The following SETD3 variants were observed in gnomAD, a reference collection of about 807,000 sequenced individuals.
SETD3 encodes the protein SET domain containing 3, actin N3(tau)-histidine methyltransferase, also known as actin-histidine N-methyltransferase.
A neutral mutation model predicts 63.0 loss-of-function variants in SETD3; 19 were observed. That is an observed-to-expected ratio of 0.30 (90% CI 0.21 to 0.44). The LOEUF (loss-of-function observed/expected upper bound fraction) is 0.44. SETD3 is among the 20% of genes least tolerant of loss of function. The pLI is 1.00. For missense variants in SETD3, 587 were observed against 728.5 expected (o/e 0.81, Z 2.24); for synonymous variants, 286 against 264.1 (o/e 1.08, Z -0.80).
At chr14:99,420,051 A>G (rs180767866) in intron 6 of SETD3, among the ~76,000 whole-genome samples, 8 of 152,236 alleles carry the variant, frequency 5.3e-5, no homozygotes, top group Non-Finnish European at 8.8e-5. Context: ...GTGAAGACAG[A>G]TAAGTGACCA....
At chr14:99,414,681 C>T (rs955577895) in intron 6 of SETD3, among the ~76,000 whole-genome samples, 2 of 152,222 alleles carry the variant, frequency 1.3e-5, no homozygotes, top group Admixed American at 6.5e-5. Flanking sequence ...CTCTTCACCA[C>T]GTCCTCCACT....
chr14:99,411,173 A>G (rs1281545372), intron 8 of SETD3: 2 of 152,230 alleles, frequency 1.3e-5, no homozygotes, highest in African/African-American at 4.8e-5. Flanking sequence ...ACTGTAAGAC[A>G]AAGTACCAGC....
At chr14:99,451,312 CCT>C (rs1282780857) in intron 6 of SETD3, among the ~76,000 whole-genome samples, 3 of 152,042 alleles carry the variant, frequency 2.0e-5, no homozygotes, top group Non-Finnish European at 4.4e-5. Context: ...CACCATGAGC[CCT>C]CTCTTCTTCC....
chr14:99,413,917 G>A lies in SETD3; in HGVS notation c.693C>T (p.Asn231=). 6.2e-7 allele frequency: 1 copy of A among 1,614,118 alleles called. No homozygotes were observed. Among genetic ancestry groups the A allele is most frequent in the Non-Finnish European group, 8.5e-7 (1 of 1,179,958 alleles). ...YKVIQTHPHA[N]KLPLKDSFTY... is the part of the protein sequence containing the mutation. The stretch of plus-strand genomic sequence containing the variant: ...TGAAAGAATCCTTCAAGGGTAGTTT[G>A]TTGGCATGAGGATGGGTCTGGGAAT... Residue 231 remains asparagine, a synonymous_variant, in exon 7 of 13, where the codon AAC becomes AAT. Transcript: ENST00000331768.
chr14:99,426,215 C>T (rs995955316), intron 6 of SETD3, among the ~76,000 whole-genome samples: 1 of 152,210 alleles, frequency 6.6e-6, no homozygotes, highest in Non-Finnish European at 1.5e-5. Context: ...AAATGTCTAA[C>T]CCATGCAGTC....
At chr14:99,400,700 C>T (rs903455669) in intron 11 of SETD3, among the ~76,000 whole-genome samples, 2 of 152,136 alleles carry the variant, frequency 1.3e-5, no homozygotes, top group African/African-American at 2.4e-5. Context: ...ACAACAATCC[C>T]GCAAGCCCAT....
chr14:99,459,588 G>A (rs966839505), intron 4 of SETD3, among the ~76,000 whole-genome samples: 1 of 152,154 alleles, frequency 6.6e-6, no homozygotes, highest in Non-Finnish European at 1.5e-5. Flanking sequence ...CTAATCTGTC[G>A]ATGTGAATTA....
At chr14:99,415,277 T>C (rs988944212) in intron 6 of SETD3, among the ~76,000 whole-genome samples, 26 of 152,218 alleles carry the variant, frequency 1.7e-4, no homozygotes, top group Admixed American at 1.5e-3. Context: ...TGTAGAAAGT[T>C]AGTAAGTTCC....
chr14:99,451,895 A>T (rs1233504466), intron 6 of SETD3, among the ~76,000 whole-genome samples: 1 of 152,098 alleles, frequency 6.6e-6, no homozygotes, highest in Non-Finnish European at 1.5e-5. Flanking sequence ...TGAACACCTG[A>T]AGGATATATA....
At chr14:99,472,983 T>C (rs1255884545) in intron 1 of SETD3, among the ~76,000 whole-genome samples, 2 of 152,224 alleles carry the variant, frequency 1.3e-5, no homozygotes, top group Non-Finnish European at 2.9e-5. Flanking sequence ...CACACATATC[T>C]ACATTTCTTC....
At chr14:99,439,048 G>A (rs892657156) in intron 6 of SETD3, among the ~76,000 whole-genome samples, 1 of 152,226 alleles carries the variant, frequency 6.6e-6, no homozygotes, top group Admixed American at 6.5e-5. Context: ...CAGAGCATCC[G>A]AGTGGCTTCA....
At chr14:99,484,699 A>G (rs925664432), upstream of SETD3, among the ~76,000 whole-genome samples, 5 of 152,204 alleles carry the variant, frequency 3.3e-5, no homozygotes, top group Non-Finnish European at 5.9e-5. Flanking sequence ...TGTGAACACC[A>G]GTTATTGATA....
At chr14:99,408,405 C>G (rs1056741476) in intron 8 of SETD3, among the ~76,000 whole-genome samples, 1 of 152,086 alleles carries the variant, frequency 6.6e-6, no homozygotes, top group African/African-American at 2.4e-5. Flanking sequence ...TTTTCTGACC[C>G]CAAAACATCA....
chr14:99,420,606 C>A (rs1452065590), intron 6 of SETD3, among the ~76,000 whole-genome samples: 1 of 152,174 alleles, frequency 6.6e-6, no homozygotes, highest in African/African-American at 2.4e-5. Context: ...CTTCAAAAAA[C>A]ACAGCTTTCC....
In SETD3 at chr14:99,461,183, T is replaced by C. The variant is rs1895043854; in HGVS notation, c.345+9A>G. On this transcript the variant is annotated intron_variant, in intron 4 of 12. Transcript: ENST00000331768. ...TAGACCCCTTGAGACCAACATTTTA[T>C]AAACTCACCTTGATATCTCTTGTTG... The C allele has an allele frequency of 6.2e-7, 1 of 1,613,662 alleles. No individual in the cohort carries two copies. Among genetic ancestry groups the C allele is most frequent in the Middle Eastern group, 1.7e-4 (1 of 6,060 alleles).
At chr14:99,479,020 A>C (rs190972140) in intron 1 of SETD3, among the ~76,000 whole-genome samples, 5 of 152,332 alleles carry the variant, frequency 3.3e-5, no homozygotes, top group Admixed American at 2.6e-4. Context: ...CTCTTACGAG[A>C]AGCTTTCGCT....
At chr14:99,409,341 C>A (rs139133049) in intron 8 of SETD3, among the ~76,000 whole-genome samples, 25 of 152,268 alleles carry the variant, frequency 1.6e-4, no homozygotes, top group African/African-American at 5.8e-4. Flanking sequence ...GCAAGTGGAA[C>A]TGAGAATAGC....
intron 6 of SETD3, among the ~76,000 whole-genome samples, chr14:99,455,948 A>T (rs956474389): frequency 6.6e-6 from 1 of 152,256 alleles, no homozygotes; most frequent in Non-Finnish European, 1.5e-5. Flanking sequence ...TGACTCCAGG[A>T]GTTCAAGACC....
intron 6 of SETD3, among the ~76,000 whole-genome samples, chr14:99,433,533 G>A (rs1182122465): frequency 1.3e-5 from 2 of 152,048 alleles, no homozygotes; most frequent in African/African-American, 2.4e-5. Flanking sequence ...TGCCTCCCAG[G>A]TTTAAGCGAT....
Sources: gnomAD v4.1 joint callset for allele counts (sites outside exome capture counted in the v4.1 genomes callset) on GRCh38, gnomAD v4.1.1 for gene constraint, MANE v1.5 for transcripts, NCBI Gene and HGNC (gene_info 2026-07-23, HGNC 2026-07-21) for gene names.